The following CDC73 variants were observed in gnomAD, a reference collection of about 807,000 sequenced individuals.
CDC73 encodes the protein cell division cycle 73, also known as parafibromin.
In CDC73, 21 loss-of-function variants were observed where a neutral mutation model predicts 83.7. The observed-to-expected ratio is 0.25, with a 90% CI of 0.18 to 0.36. The LOEUF (loss-of-function observed/expected upper bound fraction) is 0.36. Ranked by LOEUF, CDC73 falls within the 10% of genes least tolerant of loss-of-function variation. The pLI is 1.00. For synonymous variants in CDC73, 224 were observed against 212.9 expected, an observed-to-expected ratio of 1.05 and a Z score of -0.45; for missense variants, 342 against 653.3, an observed-to-expected ratio of 0.52 and a Z score of 5.19.
At chr1:193,210,346 G>A (rs1398172499) in intron 11 of CDC73, among the ~76,000 whole-genome samples, 1 of 151,936 alleles carries the variant, frequency 6.6e-6, no homozygotes, top group African/African-American at 2.4e-5. Flanking sequence ...CTTTAAAGAT[G>A]GTATCCATTT....
intron 10 of CDC73, among the ~76,000 whole-genome samples, chr1:193,158,462 G>GACCAGCC (rs1177176335): frequency 6.6e-6 from 1 of 150,984 alleles, no homozygotes; most frequent in Non-Finnish European, 1.5e-5. Context: ...AGGAGTTTGA[G>GACCAGCC]ACCAGCCTGT....
At chr1:193,150,110 A>T (rs1342937995) in intron 8 of CDC73, among the ~76,000 whole-genome samples, 194 bp from the exon 9 acceptor site, 1 of 148,272 alleles carries the variant, frequency 6.7e-6, no homozygotes, top group African/African-American at 2.5e-5. Context: ...TGTCTTTATA[A>T]AAAAAAAAAA....
intron 13 of CDC73, among the ~76,000 whole-genome samples, chr1:193,226,178 T>C (rs1230623041): frequency 2.0e-5 from 3 of 152,188 alleles, no homozygotes; most frequent in Admixed American, 2.0e-4. Flanking sequence ...GAATAGGTTG[T>C]CCTTTCCCCA....
chr1:193,253,121 A>C lies in CDC73; in HGVS notation c.*2409A>C, dbSNP rs571175984. The C allele has an allele frequency of 4.3e-6, 1 of 232,462 alleles. No homozygotes were observed. The allele number at this position is 232,462 out of a possible 1,614,324, so 14.4% of individuals were successfully genotyped here. ...TATTTATAGGACATTCTTCTCAGTC[A>C]AGGAACAGTAAGAAATATGTAGGTT... On this transcript the variant is annotated 3_prime_UTR_variant, in exon 17 of 17. Transcript: ENST00000367435.
At chr1:193,203,769 A>T in intron 10 of CDC73, 26 bp from the exon 11 acceptor site, 3 of 1,566,272 alleles carry the variant, frequency 1.9e-6, no homozygotes, top group Non-Finnish European at 2.6e-6. Flanking sequence ...CTTTGATCTT[A>T]TATATCAATT....
chr1:193,211,398 A>G (rs1385698015), intron 11 of CDC73, among the ~76,000 whole-genome samples: 1 of 152,026 alleles, frequency 6.6e-6, no homozygotes, highest in Non-Finnish European at 1.5e-5. Context: ...GATGTTAGCA[A>G]CCTCGGGATG....
intron 1 of CDC73, among the ~76,000 whole-genome samples, chr1:193,123,217 T>G (rs915874396): frequency 3.3e-5 from 5 of 152,144 alleles, no homozygotes; most frequent in African/African-American, 1.2e-4. Flanking sequence ...AAATTTAGTT[T>G]GTTGGTTGGT....
intron 9 of CDC73, among the ~76,000 whole-genome samples, chr1:193,151,340 C>T (rs901748801): frequency 2.6e-5 from 4 of 152,092 alleles, no homozygotes; most frequent in African/African-American, 9.7e-5. Flanking sequence ...AAGACTACGT[C>T]CATTCTTTCA....
intron 15 of CDC73, among the ~76,000 whole-genome samples, chr1:193,249,382 G>T (rs1678007032): frequency 1.3e-5 from 2 of 152,008 alleles, no homozygotes; most frequent in Non-Finnish European, 2.9e-5. Flanking sequence ...ATGCAATGAG[G>T]TACCAGGAAA....
At chr1:193,179,158 A>C (rs541106385) in intron 10 of CDC73, 4 of 152,290 alleles carry the variant, frequency 2.6e-5, no homozygotes, top group African/African-American at 9.6e-5. Flanking sequence ...TCCCTCCCAA[A>C]AAGGTTTTTA....
chr1:193,225,729 C>T (rs182016554), intron 13 of CDC73, among the ~76,000 whole-genome samples: 66 of 151,886 alleles, frequency 4.3e-4, no homozygotes, highest in African/African-American at 1.5e-3. Flanking sequence ...CTTTTCCTGC[C>T]CTTAGCCCAC....
At chr1:193,175,670 G>C (rs1676588379) in intron 10 of CDC73, among the ~76,000 whole-genome samples, 1 of 152,138 alleles carries the variant, frequency 6.6e-6, no homozygotes, top group African/African-American at 2.4e-5. Flanking sequence ...ATTGTATTAG[G>C]TATCATAAGT....
At position 193,252,913 on chromosome 1, in the gene CDC73, G is replaced by C; in HGVS notation, c.*2201G>C. 1 of 231,658 alleles carries C rather than the reference G, an allele frequency of 4.3e-6. No individual in the cohort carries two copies. The highest frequency in any genetic ancestry group is 8.5e-6 in the Non-Finnish European group (1 of 117,022). 14.4% of individuals were successfully genotyped at this position (231,658 alleles called of 1,614,324 possible). The stretch of plus-strand genomic sequence containing the variant: ...GTAACAAATTTATTATAAAAGTGTA[G>C]TTCGACTCTTCTTGGTCTTGGAGTT... On this transcript the variant is annotated 3_prime_UTR_variant, in exon 17 of 17. Coordinates refer to ENST00000367435, the MANE Select transcript of CDC73 (RefSeq NM_024529.5).
chr1:193,231,994 A>G (rs1677669990), intron 13 of CDC73, among the ~76,000 whole-genome samples: 1 of 152,162 alleles, frequency 6.6e-6, no homozygotes, highest in African/African-American at 2.4e-5. Flanking sequence ...AGAAAATAAG[A>G]CTTTTAAAAT....
rs1675458367 is a variant in CDC73, at chr1:193,122,099, G to C, written c.-102G>C. ...GCTGCTGCTGTTGGTTCGTCGCGGC[G>C]GCGAAGGAGGAGGAGGAAGAGGGCG... On this transcript the variant is annotated 5_prime_UTR_variant, in exon 1 of 17. Coordinates refer to ENST00000367435, the MANE Select transcript of CDC73 (RefSeq NM_024529.5). The C allele has an allele frequency of 4.3e-6, 5 of 1,169,504 alleles. No homozygotes were observed. The highest frequency in any genetic ancestry group is 6.3e-6 in the Non-Finnish European group (5 of 791,042). 72.4% of individuals were successfully genotyped at this position (1,169,504 alleles called of 1,614,324 possible).
chr1:193,241,213 T>TG (rs1486720016), intron 15 of CDC73, among the ~76,000 whole-genome samples: 15 of 152,172 alleles, frequency 9.9e-5, no homozygotes, highest in African/African-American at 3.4e-4. Context: ...TTTGATTGGG[T>TG]GGGGCACTTT....
intron 11 of CDC73, among the ~76,000 whole-genome samples, chr1:193,209,521 T>C (rs1369014341): frequency 2.0e-5 from 3 of 152,150 alleles, no homozygotes; most frequent in Non-Finnish European, 4.4e-5. Context: ...GTACAGACCT[T>C]TGCTGTTGAT....
At chr1:193,197,227 T>C (rs1172215746) in intron 10 of CDC73, among the ~76,000 whole-genome samples, 1 of 152,194 alleles carries the variant, frequency 6.6e-6, no homozygotes, top group African/African-American at 2.4e-5. Flanking sequence ...TAATGTGGTG[T>C]ATTATTAAAT....
intron 10 of CDC73, chr1:193,181,347 A>G: frequency 6.2e-7 from 1 of 1,614,022 alleles, no homozygotes; most frequent in Non-Finnish European, 8.5e-7. Flanking sequence ...GGTTTGTCTC[A>G]CTTTTTGTTG....
Sources: allele counts gnomAD v4.1 joint callset (sites outside exome capture counted in the v4.1 genomes callset), GRCh38; gene constraint gnomAD v4.1.1; transcripts MANE v1.5; gene names NCBI Gene and HGNC (gene_info 2026-07-23, HGNC 2026-07-21).